EFCAB5: variants seen among roughly 807,000 people sequenced by gnomAD.
EFCAB5 encodes the protein EF-hand calcium binding domain 5.
Under a neutral mutation model 167.9 loss-of-function variants are expected in EFCAB5, and 131 were observed. The ratio of observed to expected loss-of-function variants is 0.78; its 90% CI spans 0.68 to 0.90. EFCAB5 has a LOEUF of 0.90. Among genes scored for constraint, EFCAB5 ranks in the 40% least tolerant of loss-of-function variants. The probability of loss-of-function intolerance (pLI) is 0.00; values close to 1 mark genes in which losing one functional copy is unlikely to be tolerated. For missense variants in EFCAB5, 1,663 were observed against 1,745.2 expected (o/e 0.95, Z 0.84); for synonymous variants, 574 against 602.8 (o/e 0.95, Z 0.70).
At chr17:29,955,521 C>G (rs772188971) in intron 3 of EFCAB5, among the ~76,000 whole-genome samples, 3 of 152,116 alleles carry the variant, frequency 2.0e-5, no homozygotes, top group Non-Finnish European at 4.4e-5. Context: ...CCACGTGGAA[C>G]TGTGAGTCCC....
intron 7 of EFCAB5, among the ~76,000 whole-genome samples, chr17:30,033,187 TC>T (rs958987070): frequency 2.0e-5 from 3 of 151,994 alleles, no homozygotes; most frequent in African/African-American, 7.2e-5. Flanking sequence ...CACGCCATTC[TC>T]CTGCCTCAGC....
intron 3 of EFCAB5, among the ~76,000 whole-genome samples, chr17:29,953,753 C>T (rs550634554): frequency 1.3e-5 from 2 of 152,336 alleles, no homozygotes; most frequent in South Asian, 2.1e-4. Flanking sequence ...GACTTTGGAA[C>T]TGGGTAACAA....
intron 7 of EFCAB5, among the ~76,000 whole-genome samples, chr17:30,017,102 G>T (rs994313859): frequency 6.6e-6 from 1 of 151,882 alleles, no homozygotes; most frequent in Non-Finnish European, 1.5e-5. Context: ...GCTTGAGCTC[G>T]GGAGGTTGCA....
Position 30,051,212 on chromosome 17 carries a change from G to A in EFCAB5, c.1295G>A (p.Arg432Gln), listed in dbSNP as rs2070086448. The A allele has an allele frequency of 3.7e-6, 6 of 1,613,858 alleles. No homozygotes were observed. Among genetic ancestry groups the A allele is most frequent in the African/African-American group, 1.3e-5 (1 of 75,022 alleles). The change falls in exon 9 of 23, where the codon CGA becomes CAA. Residue 432 changes from arginine to glutamine, a missense_variant. Physicochemically the swap from Arg to Gln is conservative, Grantham distance 43. Coordinates refer to ENST00000394835, the MANE Select transcript of EFCAB5 (RefSeq NM_198529.4). Reference protein sequence around the residue: ...QMLRSLLRNPRQWPFIEFEEI... With the variant: ...QMLRSLLRNPQQWPFIEFEEI... ...CTTAGGAGTTTACTTCGAAACCCAC[G>A]ACAATGTAAGTGCCGCTCAGAGGGA...
chr17:30,031,965 G>A (rs971152794), intron 7 of EFCAB5: 2 of 152,018 alleles, frequency 1.3e-5, no homozygotes, highest in Non-Finnish European at 1.5e-5. Context: ...TGTGACCAAG[G>A]CTGCAGTGAG....
intron 10 of EFCAB5, among the ~76,000 whole-genome samples, chr17:30,054,943 G>A (rs1334121046): frequency 1.3e-5 from 2 of 152,132 alleles, no homozygotes; most frequent in Non-Finnish European, 2.9e-5. Flanking sequence ...CAATAGTAAT[G>A]GTGCTGGCAA....
rs2070952281 is a variant in EFCAB5 at position 30,080,085 on chromosome 17, A to G, written c.3041A>G (p.His1014Arg). ...FKALMQDAEAHGNKKISAHIS... is the reference protein window; with the variant it reads ...FKALMQDAEARGNKKISAHIS... Reference sequence around the variant, plus strand: ...GTTTTGCTGTAGGATGCTGAAGCCCATGGAAATAAAAAGATCAGTGCTCAC... The same window carrying G: ...GTTTTGCTGTAGGATGCTGAAGCCCGTGGAAATAAAAAGATCAGTGCTCAC... Residue 1014 changes from histidine to arginine, a missense_variant, in exon 16 of 23, where the codon CAT becomes CGT. By Grantham distance (29) the His-to-Arg change is conservative (BLOSUM62 0). Coordinates refer to ENST00000394835, the MANE Select transcript of EFCAB5 (RefSeq NM_198529.4). The G allele has an allele frequency of 3.1e-6, 5 of 1,607,686 alleles. No homozygotes were observed. The highest frequency in any genetic ancestry group is 3.4e-5 in the Admixed American group (2 of 58,386).
intron 14 of EFCAB5, among the ~76,000 whole-genome samples, chr17:30,066,255 T>C (rs188761873): frequency 6.6e-6 from 1 of 152,252 alleles, no homozygotes; most frequent in Non-Finnish European, 1.5e-5. Context: ...ATATCAAATA[T>C]CTTTTCTGAC....
chr17:30,080,861 A>T lies in EFCAB5; in HGVS notation c.3306A>T (p.Ser1102=). ...QSRNKHDYNG[S]FLALPLQDAY... is the part of the protein sequence containing the mutation. ...GTAATAAGCATGATTATAATGGTTC[A>T]TTCCTGGCTCTGCCTCTTCAAGATG... The change falls in exon 17 of 23, where the codon TCA becomes TCT. Residue 1102 remains serine (S), a synonymous_variant. Coordinates refer to ENST00000394835, the MANE Select transcript of EFCAB5 (RefSeq NM_198529.4). 8.7e-6 allele frequency: 14 copies of T among 1,613,904 alleles called. No homozygotes were observed. The highest frequency in any genetic ancestry group is 1.2e-5 in the Non-Finnish European group (14 of 1,179,844).
intron 4 of EFCAB5, among the ~76,000 whole-genome samples, chr17:29,974,726 A>G (rs2068030274): frequency 6.6e-6 from 1 of 152,208 alleles, no homozygotes; most frequent in African/African-American, 2.4e-5. Flanking sequence ...TTTGCCAGGT[A>G]AATTGAGTCA....
At chr17:30,022,019 A>G (rs1029529899) in intron 7 of EFCAB5, among the ~76,000 whole-genome samples, 5 of 152,158 alleles carry the variant, frequency 3.3e-5, no homozygotes, top group Non-Finnish European at 7.4e-5. Context: ...ATAGAGAAAA[A>G]GAGAAATGGA....
intron 8 of EFCAB5, among the ~76,000 whole-genome samples, chr17:30,039,273 C>G (rs891478209): frequency 6.6e-6 from 1 of 152,178 alleles, no homozygotes; most frequent in Non-Finnish European, 1.5e-5. Flanking sequence ...CCGAGTCAAG[C>G]AAGTGCCGTT....
intron 4 of EFCAB5, among the ~76,000 whole-genome samples, chr17:29,975,885 A>G (rs929472761): frequency 1.3e-5 from 2 of 152,230 alleles, no homozygotes; most frequent in African/African-American, 2.4e-5. Flanking sequence ...AACAAGTTCC[A>G]TAAGAGGTTA....
intron 22 of EFCAB5, among the ~76,000 whole-genome samples, chr17:30,093,290 G>A (rs373977742): frequency 6.6e-6 from 1 of 152,162 alleles, no homozygotes; most frequent in East Asian, 1.9e-4. Context: ...TCAAGGAGGA[G>A]AATCACCAAG....
chr17:30,079,934 G>T (rs2070949269), intron 15 of EFCAB5, 138 bp from the exon 16 acceptor site: 2 of 1,012,928 alleles, frequency 2.0e-6, no homozygotes, highest in East Asian at 5.1e-5. Flanking sequence ...CACTGCCCAT[G>T]AATAGTAATA....
intron 4 of EFCAB5, among the ~76,000 whole-genome samples, chr17:29,985,265 C>T (rs548894055): frequency 7.8e-4 from 119 of 152,284 alleles, no homozygotes; most frequent in African/African-American, 2.8e-3. Context: ...AAGCATGAGA[C>T]TTTGGCTAGA....
chr17:29,975,458 T>C (rs2151594773), intron 4 of EFCAB5, among the ~76,000 whole-genome samples: 1 of 152,290 alleles, frequency 6.6e-6, no homozygotes, highest in South Asian at 2.1e-4. Flanking sequence ...GGTTTCACCA[T>C]GTTGGCCAGG....
chr17:29,977,319 G>A (rs2068082096), intron 4 of EFCAB5, among the ~76,000 whole-genome samples: 1 of 151,906 alleles, frequency 6.6e-6, no homozygotes, highest in East Asian at 1.9e-4. Context: ...TGCCAAAGAA[G>A]GTAAATTTTA....
chr17:30,058,597 G>A (rs2070339960), intron 13 of EFCAB5, among the ~76,000 whole-genome samples: 1 of 151,930 alleles, frequency 6.6e-6, no homozygotes, highest in African/African-American at 2.4e-5. Context: ...AACTCTAAAA[G>A]ATAAATAAAA....
Sources: gnomAD v4.1 joint callset for allele counts (sites outside exome capture counted in the v4.1 genomes callset) on GRCh38, gnomAD v4.1.1 for gene constraint, MANE v1.5 for transcripts, NCBI Gene and HGNC (gene_info 2026-07-23, HGNC 2026-07-21) for gene names.